Variants in TMTC2 observed in about 807,000 individuals in gnomAD.
TMTC2 encodes the protein protein O-mannosyl-transferase TMTC2.
A neutral mutation model predicts 82.4 loss-of-function variants in TMTC2; 43 were observed. That is an observed-to-expected ratio of 0.52 (90% confidence interval 0.41 to 0.67). TMTC2 has a LOEUF of 0.67. Ranked by LOEUF, TMTC2 falls within the 30% of genes least tolerant of loss-of-function variation. The pLI is 0.00. For missense variants in TMTC2, 919 were observed against 1,012.4 expected, an observed-to-expected ratio of 0.91 and a Z score of 1.25; for synonymous variants, 408 against 381.9, an observed-to-expected ratio of 1.07 and a Z score of -0.80.
chr12:82,958,491 G>A (rs1877743251), intron 4 of TMTC2, among the ~76,000 whole-genome samples: 1 of 151,890 alleles, frequency 6.6e-6, no homozygotes, highest in South Asian at 2.1e-4. Context: ...CCATGATCAA[G>A]TAGGCTTCAT....
At chr12:82,913,576 C>G (rs1874823270) in intron 3 of TMTC2, among the ~76,000 whole-genome samples, 1 of 152,218 alleles carries the variant, frequency 6.6e-6, no homozygotes, top group East Asian at 1.9e-4. Context: ...GACCACACAT[C>G]TAGTCATATT....
At chr12:83,069,631 C>T in intron 11 of TMTC2, among the ~76,000 whole-genome samples, 1 of 152,152 alleles carries the variant, frequency 6.6e-6, no homozygotes. Flanking sequence ...GATTTTCTCC[C>T]ACTCTGTGGA....
At chr12:82,919,001 C>G (rs1298393901) in intron 3 of TMTC2, among the ~76,000 whole-genome samples, 1 of 152,208 alleles carries the variant, frequency 6.6e-6, no homozygotes, top group African/African-American at 2.4e-5. Flanking sequence ...TGTGATCCGA[C>G]AGCCTTGGCT....
At chr12:82,965,887 T>C in intron 6 of TMTC2, 143 bp downstream of exon 6, 1 of 789,530 alleles carries the variant, frequency 1.3e-6, no homozygotes, top group South Asian at 1.9e-5. Flanking sequence ...TTTGAGAAAC[T>C]AATACATGAT....
chr12:82,910,749 G>A (rs943802736), intron 3 of TMTC2, among the ~76,000 whole-genome samples: 2 of 152,162 alleles, frequency 1.3e-5, no homozygotes, highest in Admixed American at 1.3e-4. Context: ...TCATTTGGCT[G>A]GTGGATGTCC....
intron 2 of TMTC2, among the ~76,000 whole-genome samples, chr12:82,882,586 C>T (rs1367014604): frequency 2.0e-5 from 3 of 152,050 alleles, no homozygotes; most frequent in South Asian, 2.1e-4. Flanking sequence ...TTCAACTCAG[C>T]GGCCTTTTAA....
At chr12:83,111,091 C>A (rs990528006) in intron 11 of TMTC2, among the ~76,000 whole-genome samples, 1 of 152,234 alleles carries the variant, frequency 6.6e-6, no homozygotes, top group Non-Finnish European at 1.5e-5. Context: ...ACATTACCAT[C>A]ACCACTGACC....
intron 4 of TMTC2, among the ~76,000 whole-genome samples, chr12:82,947,168 T>G (rs1174400815): frequency 6.6e-6 from 1 of 152,182 alleles, no homozygotes; most frequent in East Asian, 1.9e-4. Context: ...GATGGTATTG[T>G]GTTTGAGTGT....
chr12:83,071,574 A>G (rs927614095), intron 11 of TMTC2, among the ~76,000 whole-genome samples: 1 of 152,178 alleles, frequency 6.6e-6, no homozygotes, highest in Non-Finnish European at 1.5e-5. Flanking sequence ...AAGGATTGGT[A>G]CCAATTCTTC....
At chr12:83,037,293 T>C (rs1297748716) in intron 9 of TMTC2, among the ~76,000 whole-genome samples, 3 of 152,196 alleles carry the variant, frequency 2.0e-5, no homozygotes. Context: ...TTATTTTTTA[T>C]TATTCATAAC....
intron 1 of TMTC2, among the ~76,000 whole-genome samples, chr12:82,804,375 T>G (rs1879146170): frequency 6.6e-6 from 1 of 152,118 alleles, no homozygotes; most frequent in Non-Finnish European, 1.5e-5. Context: ...CTCTGAAAAT[T>G]TCTAGAATTT....
intron 1 of TMTC2, among the ~76,000 whole-genome samples, chr12:82,742,687 T>A (rs1367948504): frequency 7.9e-6 from 1 of 127,362 alleles, no homozygotes; most frequent in Non-Finnish European, 1.8e-5. Flanking sequence ...GCCAGGCTAA[T>A]TTTTTTTTGT....
intron 8 of TMTC2, among the ~76,000 whole-genome samples, chr12:83,008,983 G>A (rs143476656): frequency 1.4e-3 from 218 of 152,288 alleles, no homozygotes; most frequent in African/African-American, 5.0e-3. Flanking sequence ...TATGAGGGAG[G>A]AGGAACATTC....
At chr12:82,732,061 C>T (rs1874841589) in intron 1 of TMTC2, among the ~76,000 whole-genome samples, 1 of 152,128 alleles carries the variant, frequency 6.6e-6, no homozygotes, top group Non-Finnish European at 1.5e-5. Flanking sequence ...TAGATTTTGG[C>T]TAACATTTTT....
At chr12:82,790,827 C>CAA (rs538804442) in intron 1 of TMTC2, among the ~76,000 whole-genome samples, 1 of 87,638 alleles carries the variant, frequency 1.1e-5, no homozygotes, top group Non-Finnish European at 2.4e-5. Context: ...AACTCTGTCT[C>CAA]AAAAAAAAAA....
chr12:82,773,606 G>T (rs1185520035), intron 1 of TMTC2, among the ~76,000 whole-genome samples: 1 of 152,030 alleles, frequency 6.6e-6, no homozygotes, highest in African/African-American at 2.4e-5. Flanking sequence ...GATTACAGGC[G>T]TGTGCCACCA....
chr12:83,056,301 T>C (rs1882539867), intron 10 of TMTC2, among the ~76,000 whole-genome samples: 1 of 151,934 alleles, frequency 6.6e-6, no homozygotes, highest in Non-Finnish European at 1.5e-5. Flanking sequence ...CTTTCCTTTT[T>C]TCTAGGCCTA....
At chr12:83,061,597 A>G (rs1194471717) in intron 10 of TMTC2, among the ~76,000 whole-genome samples, 171 bp from the exon 11 acceptor site, 2 of 151,784 alleles carry the variant, frequency 1.3e-5, no homozygotes, top group African/African-American at 4.8e-5. Context: ...CCTTAAATAC[A>G]TTAACAAGTG....
At chr12:82,809,518 A>C (rs906156346) in intron 1 of TMTC2, among the ~76,000 whole-genome samples, 4 of 152,154 alleles carry the variant, frequency 2.6e-5, no homozygotes, top group African/African-American at 4.8e-5. Flanking sequence ...TTGAGATTGC[A>C]CACCAGAATT....
Sources: gnomAD v4.1 joint callset for allele counts (sites outside exome capture counted in the v4.1 genomes callset) on GRCh38, gnomAD v4.1.1 for gene constraint, MANE v1.5 for transcripts, NCBI Gene and HGNC (gene_info 2026-07-23, HGNC 2026-07-21) for gene names.